The following ODAD1 variants were observed in gnomAD, a reference collection of about 807,000 sequenced individuals.
ODAD1 encodes the protein outer dynein arm docking complex subunit 1, also known as outer dynein arm-docking complex subunit 1.
A neutral mutation model predicts 67.2 loss-of-function variants in ODAD1; 49 were observed. The observed-to-expected ratio is 0.73, with a 90% CI of 0.58 to 0.92. The LOEUF is 0.92. Ranked by LOEUF, ODAD1 falls within the 40% of genes least tolerant of loss-of-function variation. The pLI is 0.00. For missense variants in ODAD1, 897 were observed against 953.7 expected, an observed-to-expected ratio of 0.94 and a Z score of 0.78; for synonymous variants, 345 against 393.7, an observed-to-expected ratio of 0.88 and a Z score of 1.46.
At chr19:48,301,860 TGG>T (rs1968471663) in intron 12 of ODAD1, among the ~76,000 whole-genome samples, 1 of 147,616 alleles carries the variant, frequency 6.8e-6, no homozygotes, top group East Asian at 2.0e-4. Flanking sequence ...GATGGATGGA[TGG>T]ATATACGGAC....
chr19:48,309,645 C>T (rs1421141560), intron 7 of ODAD1, among the ~76,000 whole-genome samples: 1 of 152,166 alleles, frequency 6.6e-6, no homozygotes, highest in Non-Finnish European at 1.5e-5. Flanking sequence ...CACCACTGGC[C>T]AAGGAGGTTT....
At chr19:48,317,525 G>C (rs1173001097) in intron 5 of ODAD1, among the ~76,000 whole-genome samples, 1 of 152,136 alleles carries the variant, frequency 6.6e-6, no homozygotes, top group African/African-American at 2.4e-5. Flanking sequence ...GGCAGAGCCA[G>C]GACTCTAATG....
intron 12 of ODAD1, 142 bp downstream of exon 12, chr19:48,302,552 G>A: frequency 1.6e-6 from 1 of 644,252 alleles, no homozygotes; most frequent in Non-Finnish European, 2.7e-6. Flanking sequence ...GATAGACCCT[G>A]GTTGGAAAGA....
At chr19:48,300,174 C>G (rs56329460) in intron 12 of ODAD1, among the ~76,000 whole-genome samples, 2 of 151,902 alleles carry the variant, frequency 1.3e-5, no homozygotes, top group African/African-American at 4.8e-5. Flanking sequence ...GGCGTGGTGG[C>G]GGGCACCTGT....
chr19:48,320,635 G>C (rs902424703), intron 2 of ODAD1, 137 bp downstream of exon 2: 1 of 188,236 alleles, frequency 5.3e-6, no homozygotes, highest in Non-Finnish European at 1.2e-5. Flanking sequence ...GGTTTGGCAG[G>C]GGACAGGCCT....
chr19:48,318,348 C>G, intron 5 of ODAD1, 39 bp downstream of exon 5: 1 of 1,524,684 alleles, frequency 6.6e-7, no homozygotes, highest in South Asian at 1.2e-5. Flanking sequence ...CAACACTTGC[C>G]CGTAAGCAGG....
chr19:48,303,872 A>G (rs895204994), intron 9 of ODAD1, 81 bp downstream of exon 9: 1 of 1,578,412 alleles, frequency 6.3e-7, no homozygotes, highest in East Asian at 2.2e-5. Context: ...GTGTGGTCCC[A>G]CCTGGGGCAC....
At position 48,318,418 on chromosome 19, in the gene ODAD1, A is replaced by G; in HGVS notation, c.329T>C (p.Leu110Pro). ...RAQVQAEIEE[L>P]QEQTRALDKQ... ...GTCCAGGGCCCTGGTCTGCTCCTGC[A>G]GCTCCTCGATCTCCGCCTGCACCTG... is the stretch of plus-strand genomic sequence containing the variant. The change falls in exon 5 of 16, where the codon CTG becomes CCG. Residue 110 changes from leucine to proline, a missense_variant. By Grantham distance (98) the Leu-to-Pro change is moderately conservative. Transcript: ENST00000674294. The G allele has an allele frequency of 1.3e-6, 2 of 1,551,604 alleles. No individual in the cohort carries two copies. The highest frequency in any genetic ancestry group is 2.4e-5 in the South Asian group (2 of 84,058).
intron 1 of ODAD1, 171 bp downstream of exon 1, chr19:48,321,507 G>A: frequency 3.6e-6 from 1 of 279,504 alleles, no homozygotes; most frequent in Non-Finnish European, 6.7e-6. Flanking sequence ...ACAGCGAGCG[G>A]AGGGGCTTCC....
chr19:48,313,486 T>A (rs1968825261), intron 5 of ODAD1, among the ~76,000 whole-genome samples: 1 of 148,096 alleles, frequency 6.8e-6, no homozygotes, highest in South Asian at 2.1e-4. Context: ...TAACCCCCAG[T>A]ACTTTAGAAT....
intron 12 of ODAD1, among the ~76,000 whole-genome samples, chr19:48,302,365 T>TG: frequency 1.4e-5 from 2 of 143,608 alleles, no homozygotes; most frequent in Admixed American, 6.8e-5. Flanking sequence ...AGACAGACGT[T>TG]GAATGGATGG....
intron 5 of ODAD1, among the ~76,000 whole-genome samples, chr19:48,315,498 T>C (rs1218756121): frequency 6.6e-6 from 1 of 152,126 alleles, no homozygotes; most frequent in East Asian, 1.9e-4. Flanking sequence ...GAGCTGAGAC[T>C]GCGCCACTGC....
chr19:48,319,514 C>T (rs1569013466), intron 3 of ODAD1: 4 of 819,434 alleles, frequency 4.9e-6, no homozygotes, highest in Non-Finnish European at 5.9e-6. Flanking sequence ...CTTCCAAAAA[C>T]ATTTGGCAAT....
intron 8 of ODAD1, among the ~76,000 whole-genome samples, chr19:48,304,931 C>T (rs1968566985): frequency 6.6e-6 from 1 of 152,166 alleles, no homozygotes; most frequent in Non-Finnish European, 1.5e-5. Flanking sequence ...CAGATCTAGA[C>T]AGAAGTGGTG....
At chr19:48,299,499 T>C (rs1968399871) in intron 12 of ODAD1, among the ~76,000 whole-genome samples, 1 of 151,804 alleles carries the variant, frequency 6.6e-6, no homozygotes, top group African/African-American at 2.4e-5. Flanking sequence ...GCATGGCTAC[T>C]TCCTGAAAAA....
rs901873846 is a variant in ODAD1, at chr19:48,307,161, G to A, written c.598-838C>T. Among the ~76,000 whole-genome samples, 14 of 151,582 alleles carry A rather than the reference G, an allele frequency of 9.2e-5. No individual in the cohort carries two copies. In the South Asian group the frequency reaches 1.7e-3, roughly 18 times the overall value. On this transcript the variant is annotated intron_variant, in intron 7 of 15. Transcript: ENST00000674294. The stretch of plus-strand genomic sequence containing the variant: ...ATCGTGCCATTGCACCCTAGCCTGG[G>A]CAACAAGAGTGAGACTCCATCTCAA...
At chr19:48,303,626 C>T (rs1968529398) in intron 10 of ODAD1, 24 bp downstream of exon 10, 6 of 1,613,770 alleles carry the variant, frequency 3.7e-6, no homozygotes, top group Non-Finnish European at 5.1e-6. Flanking sequence ...CGGGCCTCCT[C>T]CCTCCACCCA....
At position 48,298,219 on chromosome 19, in the gene ODAD1, C is replaced by A. The variant is rs1405923980; in HGVS notation, c.1362G>T (p.Arg454=). 9 of 1,613,878 alleles carry A rather than the reference C, an allele frequency of 5.6e-6. No homozygotes were observed. Among genetic ancestry groups the A allele is most frequent in the African/African-American group, 1.3e-5 (1 of 75,056 alleles). Residue 454 remains arginine, a synonymous_variant, in exon 13 of 16, where the codon CGG becomes CGT. Coordinates refer to ENST00000674294, the MANE Select transcript of ODAD1 (RefSeq NM_001364171.2). The stretch of plus-strand genomic sequence containing the variant: ...CCTGCACTGTCAGGAGCTCCACCAG[C>A]CGCTTCTCAATGAGGCTCAGGAAGA... ...MGLFLSLIEK[R]LVELLTVQAF...
intron 8 of ODAD1, among the ~76,000 whole-genome samples, chr19:48,304,620 A>G (rs1282227531): frequency 6.8e-6 from 1 of 147,414 alleles, no homozygotes; most frequent in African/African-American, 2.5e-5. Flanking sequence ...ACTGTCTCAA[A>G]AAAAAAAAAA....
Sources: allele counts gnomAD v4.1 joint callset (sites outside exome capture counted in the v4.1 genomes callset), GRCh38; gene constraint gnomAD v4.1.1; transcripts MANE v1.5; gene names NCBI Gene and HGNC (gene_info 2026-07-23, HGNC 2026-07-21).